The following CREBBP variants were observed in gnomAD, a reference collection of about 807,000 sequenced individuals.
CREBBP encodes the protein CREB binding lysine acetyltransferase, also known as CREB-binding protein.
Under a neutral mutation model 265.0 loss-of-function variants are expected in CREBBP, and 19 were observed. That is an observed-to-expected ratio of 0.07 (90% CI 0.05 to 0.11). The LOEUF is 0.11. Among genes scored for constraint, CREBBP ranks in the 10% least tolerant of loss-of-function variants. The pLI is 1.00. For missense variants in CREBBP, 2,525 were observed against 3,219.0 expected (o/e 0.78, Z 5.22); for synonymous variants, 1,457 against 1,223.7 (o/e 1.19, Z -3.98).
At chr16:3,870,143 TAA>T (rs796771966) in intron 1 of CREBBP, among the ~76,000 whole-genome samples, 3 of 144,024 alleles carry the variant, frequency 2.1e-5, no homozygotes, top group African/African-American at 7.6e-5. Flanking sequence ...CTTTTACTTA[TAA>T]AAAAAAAAAA....
chr16:3,769,366 C>A lies in CREBBP; in HGVS notation c.2881-13G>T, dbSNP rs751913060. On this transcript the variant is annotated splice_polypyrimidine_tract_variant and intron_variant, in intron 14 of 30. Transcript: ENST00000262367. ...CTGCCTGGGAAAGCTGTGAAAAAAC[C>A]GAAAGCACTGACTTCAGTAAGCAAG... The A allele has an allele frequency of 6.2e-7, 1 of 1,614,074 alleles. No individual in the cohort carries two copies.
At chr16:3,842,927 C>G (rs2054592162) in intron 2 of CREBBP, among the ~76,000 whole-genome samples, 1 of 128,824 alleles carries the variant, frequency 7.8e-6, no homozygotes, top group African/African-American at 3.0e-5. Flanking sequence ...GATCATGCCA[C>G]TGCATTCCAG....
chr16:3,777,827 C>T, intron 10 of CREBBP, 170 bp from the exon 11 acceptor site: 1 of 1,071,442 alleles, frequency 9.3e-7, no homozygotes, highest in African/African-American at 1.6e-5. Context: ...AAGGGCCTTC[C>T]CAAGAGAGAA....
At chr16:3,745,413 T>A in intron 21 of CREBBP, 59 bp from the exon 22 acceptor site, 1 of 1,502,170 alleles carries the variant, frequency 6.7e-7, no homozygotes, top group Admixed American at 1.7e-5. Context: ...CAGAGTCACT[T>A]GTAGAAGTCT....
rs746182180 is a variant in CREBBP, at chr16:3,729,824, C to G, written c.5223G>C (p.Lys1741Asn). Residue 1741 changes from lysine to asparagine, a missense_variant, in exon 31 of 31, where the codon AAG becomes AAC. This residue lies in a region of CREBBP where 62 missense variants were observed against 156.2 expected (regional missense o/e 0.40). Transcript: ENST00000262367. ...CCAGGCCCAGCCCCCACTTCACCAT[C>G]TTATGGGCATGGCTCTTCGTGTTAT... ...NCYNTKSHAHKMVKWGLGLDD... is the reference protein window; with the variant it reads ...NCYNTKSHAHNMVKWGLGLDD... The G allele has an allele frequency of 1.2e-6, 2 of 1,605,176 alleles. No individual in the cohort carries two copies. Among genetic ancestry groups the G allele is most frequent in the Admixed American group, 3.3e-5 (2 of 60,010 alleles).
chr16:3,758,379 A>T (rs910722371), intron 17 of CREBBP, among the ~76,000 whole-genome samples: 1 of 152,252 alleles, frequency 6.6e-6, no homozygotes, highest in Non-Finnish European at 1.5e-5. Flanking sequence ...TTTATCAAAC[A>T]GTGTGTATTT....
In CREBBP at chr16:3,727,517, CAA is replaced by C. The variant is rs1397347582; in HGVS notation, c.*199_*200del. On this transcript the variant is annotated 3_prime_UTR_variant, in exon 31 of 31. Transcript: ENST00000262367. The stretch of plus-strand genomic sequence containing the variant: ...CCCCACCCCCCCGCCAAAAAAAAAC[CAA>C]AGAGAGAGACCAGATATTTAAATCA... The C allele has an allele frequency of 3.0e-5, 6 of 202,920 alleles. No individual in the cohort carries two copies. The highest frequency in any genetic ancestry group is 1.6e-4 in the African/African-American group (5 of 31,648). 12.6% of individuals were successfully genotyped at this position (202,920 alleles called of 1,614,324 possible). A position where few individuals can be genotyped will look rare whatever the true frequency, so the allele number is the denominator to read the frequency against.
chr16:3,825,874 G>C (rs1164579107), intron 2 of CREBBP, among the ~76,000 whole-genome samples: 1 of 152,182 alleles, frequency 6.6e-6, no homozygotes, highest in African/African-American at 2.4e-5. Context: ...CATATGAACA[G>C]GTTAGAATAA....
At chr16:3,751,847 A>C in intron 19 of CREBBP, 41 bp from the exon 20 acceptor site, 1 of 1,595,226 alleles carries the variant, frequency 6.3e-7, no homozygotes, top group Non-Finnish European at 8.6e-7. Context: ...CTGGTCCATC[A>C]TAACACACAG....
intron 5 of CREBBP, among the ~76,000 whole-genome samples, chr16:3,789,317 C>T (rs549998882): frequency 6.6e-6 from 1 of 152,336 alleles, no homozygotes; most frequent in South Asian, 2.1e-4. Flanking sequence ...CAGTCAAATG[C>T]ATGCCCTCAC....
intron 3 of CREBBP, among the ~76,000 whole-genome samples, chr16:3,799,157 G>A (rs768586109): frequency 2.6e-5 from 4 of 152,190 alleles, no homozygotes; most frequent in Non-Finnish European, 5.9e-5. Context: ...CGGTTGGCTG[G>A]AGATGGGGGT....
chr16:3,827,957 G>T (rs904197698), intron 2 of CREBBP, among the ~76,000 whole-genome samples: 1 of 152,178 alleles, frequency 6.6e-6, no homozygotes, highest in Non-Finnish European at 1.5e-5. Context: ...CTCCCAAAGT[G>T]TTGGGATTGC....
Position 3,739,701 on chromosome 16 carries a change from G to C in CREBBP, c.4157C>G (p.Ser1386Cys), listed in dbSNP as rs535215805. The C allele has an allele frequency of 1.2e-6, 2 of 1,614,268 alleles. No individual in the cohort carries two copies. The highest frequency in any genetic ancestry group is 2.2e-5 in the South Asian group (2 of 91,086). The change falls in exon 25 of 31, where the codon TCT (serine) becomes TGT (cysteine). Residue 1386 changes from serine to cysteine, a missense_variant. By Grantham distance (112) the Ser-to-Cys change is moderately radical. Transcript: ENST00000262367. ...TTTGGTTCGATATGGGAAAGATTCA[G>C]ACATTTCCCCAGAATCCACAAACCT... ...KSRFVDSGEM[S>C]ESFPYRTKAL...
chr16:3,849,449 GTGTGTGTGTGTGT>G (rs2054770621), intron 2 of CREBBP, among the ~76,000 whole-genome samples: 2 of 49,074 alleles, frequency 4.1e-5, no homozygotes, highest in East Asian at 1.0e-3. Context: ...GTGTGTGTGT[GTGTGTGTGTGTGT>G]GTGTGTGTGT....
At chr16:3,821,223 C>T (rs1311243804) in intron 2 of CREBBP, among the ~76,000 whole-genome samples, 1 of 152,180 alleles carries the variant, frequency 6.6e-6, no homozygotes, top group Non-Finnish European at 1.5e-5. Context: ...TTATTTCAAA[C>T]CATCAGTGCT....
chr16:3,837,241 G>A (rs1469454677), intron 2 of CREBBP, among the ~76,000 whole-genome samples: 1 of 152,072 alleles, frequency 6.6e-6, no homozygotes, highest in African/African-American at 2.4e-5. Flanking sequence ...TCCTGACCCT[G>A]TACAGGCTTA....
At chr16:3,758,404 T>C (rs1305819399) in intron 17 of CREBBP, among the ~76,000 whole-genome samples, 1 of 152,256 alleles carries the variant, frequency 6.6e-6, no homozygotes, top group Non-Finnish European at 1.5e-5. Flanking sequence ...ATATTCACTC[T>C]TGATCCTAGC....
At chr16:3,825,027 C>T (rs1222076249) in intron 2 of CREBBP, among the ~76,000 whole-genome samples, 1 of 152,164 alleles carries the variant, frequency 6.6e-6, no homozygotes, top group Non-Finnish European at 1.5e-5. Context: ...TCTAAGATCT[C>T]TTTGCAAAAA....
At chr16:3,732,883 A>G (rs2151321777) in intron 28 of CREBBP, among the ~76,000 whole-genome samples, 1 of 152,164 alleles carries the variant, frequency 6.6e-6, no homozygotes, top group South Asian at 2.1e-4. Flanking sequence ...TATTTTTAGT[A>G]GAGATGGGGT....
Sources: allele counts gnomAD v4.1 joint callset (sites outside exome capture counted in the v4.1 genomes callset), GRCh38; gene constraint gnomAD v4.1.1; regional missense constraint gnomAD v4.1.1; transcripts MANE v1.5; gene names NCBI Gene and HGNC (gene_info 2026-07-23, HGNC 2026-07-21).